The following PRRG4 variants were observed in gnomAD, a reference collection of about 807,000 sequenced individuals.
The protein encoded by PRRG4 is transmembrane gamma-carboxyglutamic acid protein 4.
Under a neutral mutation model 20.0 loss-of-function variants are expected in PRRG4, and 12 were observed. The observed-to-expected ratio is 0.60, with a 90% CI of 0.38 to 0.97. The LOEUF (loss-of-function observed/expected upper bound fraction) is 0.97. Among genes scored for constraint, PRRG4 ranks in the 50% least tolerant of loss-of-function variants. PRRG4 has a pLI of 0.00. For synonymous variants in PRRG4, 94 were observed against 96.4 expected (o/e 0.98, Z 0.15); for missense variants, 199 against 265.1 (o/e 0.75, Z 1.73).
chr11:32,829,826 G>A, upstream of PRRG4: 1 of 985,396 alleles, frequency 1.0e-6, no homozygotes, highest in Non-Finnish European at 1.2e-6. Context: ...GCGGGCTCCC[G>A]GGAGACGCCG....
At chr11:32,852,053 T>C (rs1200204680) in intron 5 of PRRG4, among the ~76,000 whole-genome samples, 12 of 152,230 alleles carry the variant, frequency 7.9e-5, no homozygotes, top group Admixed American at 6.5e-4. Flanking sequence ...TTGCATTTCA[T>C]TGGCTGACAA....
At chr11:32,830,660 A>G (rs764378249) in intron 2 of PRRG4, 28 bp downstream of exon 2, 11 of 1,613,740 alleles carry the variant, frequency 6.8e-6, no homozygotes, top group South Asian at 5.5e-5. Flanking sequence ...CCTGGAACCC[A>G]GAGCCGCATA....
chr11:32,855,601 C>T lies in PRRG4; in HGVS notation c.*2074C>T, dbSNP rs1851222849. The T allele has an allele frequency of 6.6e-6, 1 of 152,114 alleles. No homozygotes were observed. Among genetic ancestry groups the T allele is most frequent in the African/African-American group, 2.4e-5 (1 of 41,440 alleles). The allele number at this position is 152,114 out of a possible 1,614,324, so 9.4% of individuals were successfully genotyped here. Reference sequence around the variant, plus strand: ...CATCTTAAGGCAGATAAAAGTAAGTCCTTAATCATTACAGACTGCCAAAGA... The same window carrying T: ...CATCTTAAGGCAGATAAAAGTAAGTTCTTAATCATTACAGACTGCCAAAGA... On this transcript the variant is annotated 3_prime_UTR_variant, in exon 6 of 6. Coordinates refer to ENST00000257836, the MANE Select transcript of PRRG4 (RefSeq NM_024081.6).
chr11:32,834,226 G>A (rs1850999812), intron 2 of PRRG4, among the ~76,000 whole-genome samples: 1 of 152,152 alleles, frequency 6.6e-6, no homozygotes, highest in Admixed American at 6.5e-5. Context: ...CTTTTAAAGG[G>A]CCCTCTTTGG....
intron 5 of PRRG4, among the ~76,000 whole-genome samples, chr11:32,842,120 G>A (rs139781744): frequency 7.9e-5 from 12 of 152,150 alleles, no homozygotes; most frequent in African/African-American, 2.9e-4. Flanking sequence ...CTGTTTAATT[G>A]GTTTAAAGTT....
intron 2 of PRRG4, among the ~76,000 whole-genome samples, chr11:32,833,753 GCCAAGAACCAACATCC>G (rs979374390): frequency 1.1e-4 from 17 of 152,136 alleles, no homozygotes; most frequent in African/African-American, 3.1e-4. Flanking sequence ...CCTCTTATGG[GCCAAGAACCAACATCC>G]CTGCTTTAAT....
In PRRG4 at chr11:32,830,021, C is replaced by T; in HGVS notation, c.-175C>T. The T allele has an allele frequency of 1.0e-6, 1 of 985,872 alleles. No homozygotes were observed. Among genetic ancestry groups the T allele is most frequent in the Non-Finnish European group, 1.2e-6 (1 of 830,250 alleles). The allele number at this position is 985,872 out of a possible 1,614,324, so 61.1% of individuals were successfully genotyped here. On this transcript the variant is annotated 5_prime_UTR_variant, in exon 1 of 6. Coordinates refer to ENST00000257836, the MANE Select transcript of PRRG4 (RefSeq NM_024081.6). Reference sequence around the variant, plus strand: ...GAACCCCAGGCCCTTCCCAGGTTTGCGCGCGGGGGCCATCCAGACCCTGCG... The same window carrying T: ...GAACCCCAGGCCCTTCCCAGGTTTGTGCGCGGGGGCCATCCAGACCCTGCG...
intron 3 of PRRG4, 55 bp from the exon 4 acceptor site, chr11:32,838,827 T>G: frequency 6.7e-6 from 9 of 1,341,570 alleles, no homozygotes; most frequent in African/African-American, 1.4e-5. Context: ...TAGGACCAAA[T>G]GAAATGTGAT....
At chr11:32,832,671 CG>C (rs984596143) in intron 2 of PRRG4, among the ~76,000 whole-genome samples, 13 of 151,786 alleles carry the variant, frequency 8.6e-5, no homozygotes, top group African/African-American at 3.1e-4. Context: ...TTAGTAGAGA[CG>C]GGGTTTCACC....
intron 2 of PRRG4, among the ~76,000 whole-genome samples, chr11:32,832,217 A>G (rs555244777): frequency 2.0e-5 from 3 of 152,256 alleles, no homozygotes; most frequent in East Asian, 3.9e-4. Context: ...TGGTGGAGAC[A>G]TAGAAATGAA....
chr11:32,833,898 G>A (rs1003602906), intron 2 of PRRG4, among the ~76,000 whole-genome samples: 3 of 152,130 alleles, frequency 2.0e-5, no homozygotes, highest in Non-Finnish European at 4.4e-5. Context: ...TGCCAGGGGT[G>A]GGTAGGGATG....
At chr11:32,832,818 TG>T (rs764513467) in intron 2 of PRRG4, among the ~76,000 whole-genome samples, 4 of 152,042 alleles carry the variant, frequency 2.6e-5, no homozygotes, top group Non-Finnish European at 5.9e-5. Flanking sequence ...AGAGTTGAAA[TG>T]ACTGAAAAGG....
intron 3 of PRRG4, among the ~76,000 whole-genome samples, chr11:32,837,062 T>C (rs1211657826): frequency 1.3e-5 from 2 of 152,262 alleles, no homozygotes; most frequent in Admixed American, 6.5e-5. Flanking sequence ...ATGTTTATTA[T>C]ATTTAAAAGT....
chr11:32,837,538 GATGATTATT>G (rs1277077659), intron 3 of PRRG4, among the ~76,000 whole-genome samples: 5,229 of 90,258 alleles, frequency 0.058, 101 homozygotes, highest in African/African-American at 0.085. Flanking sequence ...TGATGATGAT[GATGATTATT>G]ATTATTATTA....
At chr11:32,839,711 A>T (rs1851058177) in intron 4 of PRRG4, among the ~76,000 whole-genome samples, 1 of 143,452 alleles carries the variant, frequency 7.0e-6, no homozygotes, top group African/African-American at 2.6e-5. Flanking sequence ...GAATATTATT[A>T]AAATATAAAT....
intron 5 of PRRG4, among the ~76,000 whole-genome samples, chr11:32,843,592 T>A (rs1235664155): frequency 6.6e-6 from 1 of 152,090 alleles, no homozygotes; most frequent in Non-Finnish European, 1.5e-5. Context: ...ATAATTTAAA[T>A]ATATTTCCAG....
At chr11:32,849,316 C>G (rs572760459) in intron 5 of PRRG4, among the ~76,000 whole-genome samples, 3 of 152,090 alleles carry the variant, frequency 2.0e-5, no homozygotes, top group South Asian at 2.1e-4. Flanking sequence ...GCCAAGATCA[C>G]GCCACCACAC....
chr11:32,850,538 C>G (rs1466239400), intron 5 of PRRG4, among the ~76,000 whole-genome samples: 1 of 152,222 alleles, frequency 6.6e-6, no homozygotes, highest in Non-Finnish European at 1.5e-5. Flanking sequence ...CTCAGCAACT[C>G]TCTGAGTTTC....
intron 5 of PRRG4, among the ~76,000 whole-genome samples, chr11:32,841,350 C>T (rs981701943): frequency 3.3e-5 from 5 of 152,100 alleles, no homozygotes; most frequent in Non-Finnish European, 1.5e-5. Context: ...TTAAATTTTA[C>T]ATAACAATTG....
Sources: allele counts gnomAD v4.1 joint callset (sites outside exome capture counted in the v4.1 genomes callset), GRCh38; gene constraint gnomAD v4.1.1; transcripts MANE v1.5; gene names NCBI Gene and HGNC (gene_info 2026-07-23, HGNC 2026-07-21).